Variants in FHIT observed in about 807,000 individuals in gnomAD.
FHIT encodes the protein fragile histidine triad diadenosine triphosphatase, also known as bis(5'-adenosyl)-triphosphatase.
FHIT carries 19 observed loss-of-function variants against 17.9 expected under a neutral mutation model. That is an observed-to-expected ratio of 1.06 (90% CI 0.74 to 1.56). FHIT has a LOEUF of 1.56. Ranked by LOEUF, FHIT falls within the 40% of genes most tolerant of loss-of-function variation. The pLI, the probability that FHIT is intolerant of heterozygous loss-of-function variation, is 0.00. For synonymous variants in FHIT, 81 were observed against 69.7 expected (o/e 1.16, Z -0.81); for missense variants, 248 against 189.2 (o/e 1.31, Z -1.82).
In FHIT at chr3:61,096,526, G is replaced by A. The variant is rs1464135347; in HGVS notation, c.-163-54427C>T. Among the ~76,000 whole-genome samples the A allele has an allele frequency of 2.0e-5, 3 of 152,292 alleles. No homozygotes were observed. In the South Asian group the frequency reaches 6.2e-4, roughly 32 times the overall value. On this transcript the variant is annotated intron_variant, in intron 2 of 9. Coordinates refer to ENST00000492590, the MANE Select transcript of FHIT (RefSeq NM_002012.4). ...GGACACAGAGAACAGAGAGGTAGGGGATGGATCTAGGGCAGTGTTTTCCAC... is the reference window on the plus strand; with the variant it reads ...GGACACAGAGAACAGAGAGGTAGGGAATGGATCTAGGGCAGTGTTTTCCAC...
intron 5 of FHIT, among the ~76,000 whole-genome samples, chr3:60,214,957 G>A (rs1162615914): frequency 6.6e-6 from 1 of 152,068 alleles, no homozygotes; most frequent in Non-Finnish European, 1.5e-5. Flanking sequence ...ATAAGTGGGA[G>A]CTAAACATTG....
chr3:59,785,037 G>A (rs555553365), intron 8 of FHIT, among the ~76,000 whole-genome samples: 2 of 152,060 alleles, frequency 1.3e-5, no homozygotes, highest in South Asian at 2.1e-4. Flanking sequence ...CACATGGCCC[G>A]AGCAACAAGA....
intron 5 of FHIT, among the ~76,000 whole-genome samples, chr3:60,506,668 G>C (rs2034744056): frequency 1.3e-5 from 2 of 152,110 alleles, no homozygotes; most frequent in African/African-American, 4.8e-5. Flanking sequence ...GTATGTGTGT[G>C]GTCTGGGTTG....
chr3:59,920,096 C>A (rs542865896), intron 8 of FHIT, among the ~76,000 whole-genome samples: 1 of 152,172 alleles, frequency 6.6e-6, no homozygotes, highest in Non-Finnish European at 1.5e-5. Flanking sequence ...TCTCTATTTA[C>A]TAACCATTGC....
chr3:60,071,325 G>A (rs1366982169), intron 5 of FHIT, among the ~76,000 whole-genome samples: 1 of 152,060 alleles, frequency 6.6e-6, no homozygotes, highest in Non-Finnish European at 1.5e-5. Flanking sequence ...TAGATATATC[G>A]AGTTTTAACA....
intron 7 of FHIT, among the ~76,000 whole-genome samples, chr3:60,002,023 G>T (rs1699749253): frequency 6.6e-6 from 1 of 152,084 alleles, no homozygotes; most frequent in South Asian, 2.1e-4. Context: ...TGAACGTTAG[G>T]ATAAATGAAT....
chr3:60,010,751 T>C (rs144413931), intron 7 of FHIT, among the ~76,000 whole-genome samples: 1 of 152,286 alleles, frequency 6.6e-6, no homozygotes, highest in East Asian at 1.9e-4. Context: ...GCAGAGACTA[T>C]CCTAATAAAT....
chr3:60,311,105 T>C (rs1027378563), intron 5 of FHIT, among the ~76,000 whole-genome samples: 1 of 152,194 alleles, frequency 6.6e-6, no homozygotes, highest in Admixed American at 6.5e-5. Flanking sequence ...CCTTTTGGCA[T>C]CTTCCCCTCT....
chr3:60,262,149 C>T (rs943915316), intron 5 of FHIT, among the ~76,000 whole-genome samples: 47 of 152,164 alleles, frequency 3.1e-4, no homozygotes, highest in African/African-American at 9.1e-4. Context: ...GTGTCTCAGT[C>T]ATGAGTCTAG....
intron 7 of FHIT, among the ~76,000 whole-genome samples, chr3:59,948,138 G>A (rs189975032): frequency 3.9e-5 from 6 of 152,008 alleles, no homozygotes; most frequent in African/African-American, 1.2e-4. Flanking sequence ...GTACACATAG[G>A]TTTCCCTTTC....
chr3:60,647,794 C>A (rs1212917227), intron 4 of FHIT, among the ~76,000 whole-genome samples: 1 of 151,950 alleles, frequency 6.6e-6, no homozygotes, highest in African/African-American at 2.4e-5. Flanking sequence ...AGAATACATA[C>A]AATGCAGAAA....
chr3:60,315,634 T>G (rs1478888217), intron 5 of FHIT, among the ~76,000 whole-genome samples: 2 of 152,240 alleles, frequency 1.3e-5, no homozygotes, highest in Non-Finnish European at 2.9e-5. Flanking sequence ...GTAGATGGTA[T>G]GTTTTCATTG....
chr3:60,123,738 G>C (rs1204682504), intron 5 of FHIT, among the ~76,000 whole-genome samples: 1 of 151,552 alleles, frequency 6.6e-6, no homozygotes, highest in Non-Finnish European at 1.5e-5. Flanking sequence ...GAGAACGCCA[G>C]TGCCCACTTT....
At chr3:59,850,586 T>C (rs1381740815) in intron 8 of FHIT, among the ~76,000 whole-genome samples, 1 of 152,170 alleles carries the variant, frequency 6.6e-6, no homozygotes, top group South Asian at 2.1e-4. Context: ...AATGAGCCGA[T>C]ACAAGCTCAG....
At chr3:60,692,516 T>G (rs1183885344) in intron 4 of FHIT, among the ~76,000 whole-genome samples, 1 of 151,612 alleles carries the variant, frequency 6.6e-6, no homozygotes, top group Admixed American at 6.6e-5. Flanking sequence ...GGAAAAAGAG[T>G]TGACTGGCCA....
At chr3:60,542,101 A>C (rs1039655698) in intron 4 of FHIT, among the ~76,000 whole-genome samples, 4 of 152,142 alleles carry the variant, frequency 2.6e-5, no homozygotes, top group Non-Finnish European at 5.9e-5. Context: ...CTTATACATA[A>C]TTTTTAAATT....
chr3:60,615,237 G>A lies in FHIT; in HGVS notation c.-17-78258C>T, dbSNP rs546790472. Among the ~76,000 whole-genome samples, 14 of 152,290 alleles carry A rather than the reference G, an allele frequency of 9.2e-5. No homozygotes were observed. In the South Asian group the frequency reaches 2.9e-3, roughly 32 times the overall value. On this transcript the variant is annotated intron_variant, in intron 4 of 9. Coordinates refer to ENST00000492590, the MANE Select transcript of FHIT (RefSeq NM_002012.4). ...GCTTTCCTGGAGGGATGGAAACAAA[G>A]TGCATAATGGTTGTTTACCAATCAT...
chr3:59,863,930 C>T (rs1313459362), intron 8 of FHIT, among the ~76,000 whole-genome samples: 11 of 152,102 alleles, frequency 7.2e-5, no homozygotes, highest in Non-Finnish European at 1.6e-4. Context: ...TTTGCCCTTC[C>T]CTGCTCCCTT....
chr3:59,906,341 T>C (rs1704583814), intron 8 of FHIT, among the ~76,000 whole-genome samples: 1 of 152,242 alleles, frequency 6.6e-6, no homozygotes, highest in African/African-American at 2.4e-5. Context: ...ATGTGGCCCT[T>C]AAAAATCCTA....
Sources: gnomAD v4.1 joint callset for allele counts (sites outside exome capture counted in the v4.1 genomes callset) on GRCh38, gnomAD v4.1.1 for gene constraint, MANE v1.5 for transcripts, NCBI Gene and HGNC (gene_info 2026-07-23, HGNC 2026-07-21) for gene names.